The following MEI1 variants were observed in gnomAD, a reference collection of about 807,000 sequenced individuals.
MEI1 encodes the protein meiosis inhibitor protein 1.
Under a neutral mutation model 146.2 loss-of-function variants are expected in MEI1, and 103 were observed. The ratio of observed to expected loss-of-function variants is 0.70; its 90% CI spans 0.60 to 0.83. The LOEUF (loss-of-function observed/expected upper bound fraction) is 0.83. Ranked by LOEUF, MEI1 falls within the 40% of genes least tolerant of loss-of-function variation. The probability of loss-of-function intolerance (pLI) is 0.00; values close to 1 mark genes in which losing one functional copy is unlikely to be tolerated. For synonymous variants in MEI1, 652 were observed against 628.2 expected (o/e 1.04, Z -0.57); for missense variants, 1,529 against 1,533.0 (o/e 1.00, Z 0.04).
At chr22:41,712,808 TG>T (rs1252542425) in intron 3 of MEI1, among the ~76,000 whole-genome samples, 20 of 146,538 alleles carry the variant, frequency 1.4e-4, no homozygotes, top group Non-Finnish European at 2.3e-4. Flanking sequence ...TTTGTTTGTT[TG>T]TTTTTTTTTT....
chr22:41,772,792 A>C (rs2075255047), intron 20 of MEI1, among the ~76,000 whole-genome samples: 2 of 151,884 alleles, frequency 1.3e-5, no homozygotes, highest in African/African-American at 2.4e-5. Context: ...TCTCATTCAC[A>C]CCCATGGCTT....
intron 26 of MEI1, 84 bp from the exon 27 acceptor site, chr22:41,793,745 T>C: frequency 1.6e-6 from 2 of 1,249,230 alleles, no homozygotes; most frequent in Admixed American, 2.7e-5. Flanking sequence ...CAAGTAACTC[T>C]GAAAACCAAA....
intron 7 of MEI1, among the ~76,000 whole-genome samples, chr22:41,725,256 C>T (rs757304954): frequency 2.6e-5 from 4 of 152,104 alleles, no homozygotes; most frequent in East Asian, 1.9e-4. Flanking sequence ...GGATTACAGG[C>T]GCCAAGCCAC....
intron 15 of MEI1, among the ~76,000 whole-genome samples, chr22:41,749,655 ATCTT>A (rs1373174372): frequency 6.6e-6 from 1 of 152,230 alleles, no homozygotes; most frequent in Non-Finnish European, 1.5e-5. Context: ...TTTCAGAAAG[ATCTT>A]TCTTGGAGCA....
intron 11 of MEI1, among the ~76,000 whole-genome samples, chr22:41,736,248 CT>C (rs1405251581): frequency 1.6e-5 from 2 of 125,242 alleles, no homozygotes; most frequent in Non-Finnish European, 3.1e-5. Context: ...TTTCTTTTTT[CT>C]TTTTCTTTTT....
chr22:41,752,144 A>G (rs533756854), intron 15 of MEI1, among the ~76,000 whole-genome samples: 1 of 152,240 alleles, frequency 6.6e-6, no homozygotes, highest in South Asian at 2.1e-4. Flanking sequence ...CAGACAATTC[A>G]GAGATGAGAA....
At chr22:41,757,461 G>A (rs2074172410) in intron 17 of MEI1, among the ~76,000 whole-genome samples, 2 of 148,802 alleles carry the variant, frequency 1.3e-5, no homozygotes, top group South Asian at 2.1e-4. Flanking sequence ...AGGTTCAAGC[G>A]ATTCTCCCAC....
At chr22:41,705,362 G>T in intron 2 of MEI1, 142 bp from the exon 3 acceptor site, 1 of 716,048 alleles carries the variant, frequency 1.4e-6, no homozygotes, top group South Asian at 1.5e-5. Context: ...AGTAGAGAGA[G>T]GGTTTCGCCA....
rs577219832 is a variant in MEI1 at position 41,795,617 on chromosome 22, G to A, written c.3666+75G>A. Reference sequence around the variant, plus strand: ...CACCATCTTCTCTTGGAGGGTGGGAGCTCTGGCCACAGCAACCAAGGAATG... The same window carrying A: ...CACCATCTTCTCTTGGAGGGTGGGAACTCTGGCCACAGCAACCAAGGAATG... On this transcript the variant is annotated intron_variant, in intron 29 of 30. Transcript: ENST00000401548. The surrounding 1 kb of genome is among the most constrained non-coding windows in gnomAD (Gnocchi z 4.2). 363 of 1,601,620 alleles carry A rather than the reference G, an allele frequency of 2.3e-4. No individual in the cohort carries two copies. Among genetic ancestry groups the A allele is most frequent in the Non-Finnish European group, 2.8e-4 (325 of 1,172,138 alleles).
intron 30 of MEI1, 103 bp from the exon 31 acceptor site, chr22:41,799,151 T>C: frequency 9.4e-7 from 1 of 1,064,678 alleles, no homozygotes; most frequent in Middle Eastern, 2.2e-4. Context: ...GGAGCACTTC[T>C]GTTCTTGCCT....
chr22:41,713,799 C>T (rs562909685), intron 3 of MEI1, among the ~76,000 whole-genome samples: 1 of 152,280 alleles, frequency 6.6e-6, no homozygotes, highest in Admixed American at 6.5e-5. Flanking sequence ...CCGCCTGCCT[C>T]GGCCTCCCAA....
intron 11 of MEI1, among the ~76,000 whole-genome samples, chr22:41,736,416 A>G (rs1490022684): frequency 6.6e-6 from 1 of 151,426 alleles, no homozygotes; most frequent in African/African-American, 2.4e-5. Context: ...TCCCTGGCTA[A>G]TTTTGTTTTT....
chr22:41,749,689 G>A (rs1193808431), intron 15 of MEI1, among the ~76,000 whole-genome samples: 2 of 152,236 alleles, frequency 1.3e-5, no homozygotes, highest in Admixed American at 6.5e-5. Flanking sequence ...ATGAGTTAGA[G>A]GGAGGCAGAT....
intron 3 of MEI1, 107 bp from the exon 4 acceptor site, chr22:41,713,895 T>C (rs2069845710): frequency 2.3e-6 from 2 of 869,090 alleles, no homozygotes; most frequent in South Asian, 1.6e-5. Flanking sequence ...TAATACCAAT[T>C]AGCCCAGGCA....
chr22:41,699,855 C>T, intron 1 of MEI1, 143 bp downstream of exon 1: 1 of 1,112,712 alleles, frequency 9.0e-7, no homozygotes, highest in Non-Finnish European at 1.2e-6. Flanking sequence ...CCCTGTCAGC[C>T]CGTCCCGGAC....
intron 18 of MEI1, among the ~76,000 whole-genome samples, 158 bp from the exon 19 acceptor site, chr22:41,763,016 G>T (rs1332127304): frequency 2.6e-5 from 4 of 152,208 alleles, no homozygotes; most frequent in Non-Finnish European, 5.9e-5. Flanking sequence ...GCAGTGCTTT[G>T]TAAGTATGTA....
intron 11 of MEI1, among the ~76,000 whole-genome samples, chr22:41,738,922 A>C (rs1022674000): frequency 2.0e-5 from 3 of 151,966 alleles, no homozygotes; most frequent in Middle Eastern, 3.2e-3. Flanking sequence ...AGCTATGATC[A>C]CACCGCTGCA....
At chr22:41,740,953 C>A (rs2072808818) in intron 11 of MEI1, among the ~76,000 whole-genome samples, 1 of 152,092 alleles carries the variant, frequency 6.6e-6, no homozygotes, top group African/African-American at 2.4e-5. Context: ...GCTCTGTCAC[C>A]AGGCTGGAGT....
At chr22:41,754,303 C>A (rs943041095) in intron 17 of MEI1, among the ~76,000 whole-genome samples, 4 of 152,234 alleles carry the variant, frequency 2.6e-5, no homozygotes, top group African/African-American at 7.2e-5. Flanking sequence ...CCAGTTCCTT[C>A]TTCCTGACAG....
Sources: allele counts gnomAD v4.1 joint callset (sites outside exome capture counted in the v4.1 genomes callset), GRCh38; gene constraint gnomAD v4.1.1; non-coding constraint Gnocchi (gnomAD v3.1); transcripts MANE v1.5; gene names NCBI Gene and HGNC (gene_info 2026-07-23, HGNC 2026-07-21).